Variants in MANBAL observed in about 807,000 individuals in gnomAD.
MANBAL encodes the protein mannosidase beta like.
A neutral mutation model predicts 6.4 loss-of-function variants in MANBAL; 1 was observed. That is an observed-to-expected ratio of 0.16 (90% CI 0.06 to 0.74). The LOEUF is 0.74. MANBAL is among the 30% of genes least tolerant of loss of function. The pLI, the probability that MANBAL is intolerant of heterozygous loss-of-function variation, is 0.78. For synonymous variants in MANBAL, 47 were observed against 45.8 expected, an observed-to-expected ratio of 1.03 and a Z score of -0.10; for missense variants, 100 against 107.8, an observed-to-expected ratio of 0.93 and a Z score of 0.32.
At chr20:37,310,384 C>T (rs1454301304) in intron 2 of MANBAL, among the ~76,000 whole-genome samples, 1 of 152,222 alleles carries the variant, frequency 6.6e-6, no homozygotes, top group Non-Finnish European at 1.5e-5. Context: ...TGAGTGCTGA[C>T]CTGCTTTTAG....
At position 37,316,319 on chromosome 20, in the gene MANBAL, G is replaced by C. The variant is rs368166811; in HGVS notation, c.162G>C (p.Pro54=). ...TTATCACCTCACAGGAGGCTGAACC[G>C]TCTGAGCCCAGAAGTGCTGAGGTGA... is the stretch of plus-strand genomic sequence containing the variant. ...IPKSHEAEAE[P]SEPRSAEVTR... The change falls in exon 3 of 3, where the codon CCG becomes CCC. Residue 54 remains proline (P), a synonymous_variant. Coordinates refer to ENST00000373606, the MANE Select transcript of MANBAL (RefSeq NM_001003897.2). 6.8e-6 allele frequency: 11 copies of C among 1,613,546 alleles called. No individual in the cohort carries two copies. The South Asian group carries it at 9.9e-5, about 14-fold the overall frequency.
chr20:37,313,660 C>A (rs773371684), intron 2 of MANBAL, among the ~76,000 whole-genome samples: 15 of 152,094 alleles, frequency 9.9e-5, no homozygotes, highest in Admixed American at 2.6e-4. Flanking sequence ...GAGCTAATAT[C>A]GAGCCACTGC....
intron 2 of MANBAL, among the ~76,000 whole-genome samples, chr20:37,301,744 G>A (rs750424819): frequency 4.6e-5 from 7 of 152,218 alleles, no homozygotes; most frequent in Non-Finnish European, 7.3e-5. Context: ...ACAGAGTCCA[G>A]TGAGGCTATA....
intron 1 of MANBAL, among the ~76,000 whole-genome samples, chr20:37,292,906 T>A (rs909488119): frequency 2.0e-5 from 3 of 152,264 alleles, no homozygotes; most frequent in Admixed American, 1.3e-4. Context: ...GCTCTAGGTA[T>A]GCTCAGTGCT....
At chr20:37,313,953 G>A (rs2069447307) in intron 2 of MANBAL, among the ~76,000 whole-genome samples, 1 of 152,240 alleles carries the variant, frequency 6.6e-6, no homozygotes, top group African/African-American at 2.4e-5. Context: ...AGGAGCCCAT[G>A]TGAGGCTGGA....
intron 1 of MANBAL, among the ~76,000 whole-genome samples, chr20:37,299,292 T>C (rs1241982933): frequency 6.6e-6 from 1 of 152,134 alleles, no homozygotes; most frequent in Admixed American, 6.5e-5. Flanking sequence ...TTGTCCAGGC[T>C]GGTCTCAAAC....
At chr20:37,304,976 A>AC (rs2146813164) in intron 2 of MANBAL, among the ~76,000 whole-genome samples, 1 of 160 alleles carries the variant, frequency 6.3e-3, no homozygotes, top group African/African-American at 0.025. Context: ...CCTAGGCCAG[A>AC]GCTGGAGGGG....
At chr20:37,307,139 A>AT (rs1314772803) in intron 2 of MANBAL, among the ~76,000 whole-genome samples, 1 of 151,926 alleles carries the variant, frequency 6.6e-6, no homozygotes, top group African/African-American at 2.4e-5. Context: ...TTTTTAAATA[A>AT]TTTTTTTGTA....
chr20:37,302,280 G>T, intron 2 of MANBAL: 1 of 1,550,608 alleles, frequency 6.4e-7, no homozygotes, highest in South Asian at 1.2e-5. Flanking sequence ...CTGTCAACAG[G>T]AGTTCCATGT....
chr20:37,293,955 A>G (rs941045010), intron 1 of MANBAL, among the ~76,000 whole-genome samples: 5 of 152,128 alleles, frequency 3.3e-5, no homozygotes, highest in African/African-American at 1.2e-4. Flanking sequence ...ATGCGTGTGT[A>G]TGTTGGTGTG....
chr20:37,290,180 T>C (rs550603951), intron 1 of MANBAL, among the ~76,000 whole-genome samples: 1 of 152,356 alleles, frequency 6.6e-6, no homozygotes, highest in African/African-American at 2.4e-5. Context: ...TCCATGTTTG[T>C]TGTACGAATT....
rs570844248 is a variant in MANBAL at position 37,295,762 on chromosome 20, T to C, written c.-56-5446T>C. ...AGTATGCGAGTTGCTGCCTGTAAAG[T>C]GCTGTTCGCAACACCTGGCCGTTCA... On this transcript the variant is annotated intron_variant, in intron 1 of 2. Transcript: ENST00000373606. Among the ~76,000 whole-genome samples, 60 of 152,334 alleles carry C rather than the reference T, an allele frequency of 3.9e-4. 1 individual carries two copies. The highest frequency in any genetic ancestry group is 2.7e-3 in the Admixed American group (41 of 15,298).
intron 2 of MANBAL, among the ~76,000 whole-genome samples, chr20:37,310,850 T>C (rs371263816): frequency 1.7e-4 from 26 of 152,270 alleles, no homozygotes; most frequent in African/African-American, 5.8e-4. Context: ...GCTCCCAGAT[T>C]TAAAGGCAGG....
At chr20:37,314,926 G>A (rs1436021802) in intron 2 of MANBAL, among the ~76,000 whole-genome samples, 1 of 152,234 alleles carries the variant, frequency 6.6e-6, no homozygotes, top group East Asian at 1.9e-4. Flanking sequence ...AGGGAGTAAA[G>A]TGAGCTGGAA....
At chr20:37,298,054 A>G (rs2146796034) in intron 1 of MANBAL, among the ~76,000 whole-genome samples, 1 of 152,236 alleles carries the variant, frequency 6.6e-6, no homozygotes, top group East Asian at 1.9e-4. Context: ...GCAAAAAGGG[A>G]TGATGCCTGT....
intron 2 of MANBAL, among the ~76,000 whole-genome samples, chr20:37,315,095 TG>T (rs2146836837): frequency 6.6e-6 from 1 of 152,184 alleles, no homozygotes; most frequent in South Asian, 2.1e-4. Flanking sequence ...CGGCAGGGTG[TG>T]GGGGCCACGG....
chr20:37,292,658 A>G (rs2068898482), intron 1 of MANBAL, among the ~76,000 whole-genome samples: 1 of 152,216 alleles, frequency 6.6e-6, no homozygotes, highest in South Asian at 2.1e-4. Context: ...AGAATCCAGT[A>G]CTACTTTATT....
chr20:37,298,185 CTAAA>C (rs1003434756), intron 1 of MANBAL, among the ~76,000 whole-genome samples: 1 of 151,588 alleles, frequency 6.6e-6, no homozygotes, highest in African/African-American at 2.4e-5. Context: ...GACCCTGTCT[CTAAA>C]TAAATAAATA....
At chr20:37,292,434 TG>T (rs1296870701) in intron 1 of MANBAL, among the ~76,000 whole-genome samples, 1 of 152,198 alleles carries the variant, frequency 6.6e-6, no homozygotes, top group Admixed American at 6.5e-5. Context: ...CCTGAGTAGC[TG>T]GGATTACAGG....
Sources: gnomAD v4.1 joint callset for allele counts (sites outside exome capture counted in the v4.1 genomes callset) on GRCh38, gnomAD v4.1.1 for gene constraint, MANE v1.5 for transcripts, NCBI Gene and HGNC (gene_info 2026-07-23, HGNC 2026-07-21) for gene names.